The following DLG2 variants were observed in gnomAD, a reference collection of about 807,000 sequenced individuals.
DLG2 encodes discs large MAGUK scaffold protein 2.
Under a neutral mutation model 132.5 loss-of-function variants are expected in DLG2, and 45 were observed. That is an observed-to-expected ratio of 0.34 (90% CI 0.27 to 0.44). The LOEUF is 0.44. Among genes scored for constraint, DLG2 ranks in the 20% least tolerant of loss-of-function variants. The probability of loss-of-function intolerance (pLI) is 1.00; values close to 1 mark genes in which losing one functional copy is unlikely to be tolerated. For missense variants in DLG2, 1,045 were observed against 1,196.9 expected (o/e 0.87, Z 1.87); for synonymous variants, 424 against 419.6 (o/e 1.01, Z -0.13).
intron 6 of DLG2, among the ~76,000 whole-genome samples, chr11:84,642,529 G>A (rs527534405): frequency 1.8e-4 from 28 of 152,198 alleles, no homozygotes; most frequent in African/African-American, 6.5e-4. Flanking sequence ...ACCATATGAA[G>A]TTCTGGGTAT....
chr11:84,269,034 G>C (rs1342805613), intron 7 of DLG2, among the ~76,000 whole-genome samples: 2 of 100,800 alleles, frequency 2.0e-5, no homozygotes, highest in African/African-American at 6.8e-5. Flanking sequence ...TAGTGACTGA[G>C]AAAGTATCTA....
chr11:83,767,046 T>G (rs1013780667), intron 18 of DLG2, among the ~76,000 whole-genome samples: 2 of 152,134 alleles, frequency 1.3e-5, no homozygotes, highest in Non-Finnish European at 2.9e-5. Flanking sequence ...AAAAGGCCCT[T>G]GTGATTAGAT....
chr11:84,288,273 A>G (rs2097937828), intron 7 of DLG2, among the ~76,000 whole-genome samples: 1 of 152,032 alleles, frequency 6.6e-6, no homozygotes, highest in Non-Finnish European at 1.5e-5. Context: ...TTACACTTAA[A>G]TATTTCTTAG....
At chr11:83,850,168 A>T (rs55746528) in intron 16 of DLG2, among the ~76,000 whole-genome samples, 21 of 145,568 alleles carry the variant, frequency 1.4e-4, no homozygotes, top group African/African-American at 4.1e-4. Context: ...GTGTTTTTTT[A>T]CTTGAGACGG....
chr11:84,226,357 T>A (rs2096994253), intron 8 of DLG2, among the ~76,000 whole-genome samples: 1 of 152,212 alleles, frequency 6.6e-6, no homozygotes, highest in African/African-American at 2.4e-5. Flanking sequence ...GTCTAACCAC[T>A]CAGCTACCTT....
chr11:84,296,394 AGTT>A (rs1259529609), intron 7 of DLG2, among the ~76,000 whole-genome samples: 1 of 152,068 alleles, frequency 6.6e-6, no homozygotes, highest in African/African-American at 2.4e-5. Context: ...CGTTTGGAGG[AGTT>A]GTTAATGAAC....
intron 7 of DLG2, among the ~76,000 whole-genome samples, chr11:84,257,679 A>ATTTTTTTTT (rs1172548999): frequency 1.9e-5 from 2 of 105,914 alleles, no homozygotes; most frequent in African/African-American, 3.7e-5. Flanking sequence ...TTATCTCTGG[A>ATTTTTTTTT]TTTTTTTTTT....
chr11:85,493,466 G>C (rs1025041774), intron 3 of DLG2, among the ~76,000 whole-genome samples: 5 of 152,106 alleles, frequency 3.3e-5, no homozygotes, highest in Non-Finnish European at 7.3e-5. Context: ...TAGTATGCTT[G>C]TTTGCTAGAA....
intron 8 of DLG2, among the ~76,000 whole-genome samples, chr11:84,225,665 A>G (rs527699075): frequency 1.3e-5 from 2 of 152,180 alleles, no homozygotes; most frequent in South Asian, 2.1e-4. Flanking sequence ...TCCCCAATGT[A>G]TGTTCTTTAG....
chr11:83,498,687 C>CATTAGAAA (rs2094285388), intron 21 of DLG2, among the ~76,000 whole-genome samples: 2 of 126,290 alleles, frequency 1.6e-5, no homozygotes, highest in Non-Finnish European at 3.5e-5. Context: ...AAAAAAAAAA[C>CATTAGAAA]AATAATAAAT....
chr11:84,801,657 A>C (rs1210173898), intron 6 of DLG2, among the ~76,000 whole-genome samples: 2 of 152,238 alleles, frequency 1.3e-5, no homozygotes, highest in African/African-American at 2.4e-5. Context: ...AGATGAAAGC[A>C]AATCATGGGA....
At chr11:85,458,484 G>A (rs1170718716) in intron 3 of DLG2, among the ~76,000 whole-genome samples, 1 of 152,136 alleles carries the variant, frequency 6.6e-6, no homozygotes, top group Non-Finnish European at 1.5e-5. Flanking sequence ...GAACTAGTGA[G>A]GTCATTTGGA....
chr11:84,945,001 G>T (rs1001260379), intron 6 of DLG2, among the ~76,000 whole-genome samples: 2 of 152,268 alleles, frequency 1.3e-5, no homozygotes, highest in South Asian at 2.1e-4. Context: ...TTGTCTGAAA[G>T]GTCACGTATC....
intron 6 of DLG2, among the ~76,000 whole-genome samples, chr11:84,940,588 A>G (rs2049291604): frequency 6.6e-6 from 1 of 152,070 alleles, no homozygotes; most frequent in Non-Finnish European, 1.5e-5. Flanking sequence ...TTTCTTTCCT[A>G]TTGAGTTATT....
At chr11:85,074,246 A>AT (rs970137381) in intron 6 of DLG2, among the ~76,000 whole-genome samples, 1 of 151,804 alleles carries the variant, frequency 6.6e-6, no homozygotes, top group Non-Finnish European at 1.5e-5. Context: ...ACCTAAAATA[A>AT]TTTTTTTAAG....
chr11:85,496,695 C>G (rs1277079462), intron 3 of DLG2, among the ~76,000 whole-genome samples: 1 of 151,924 alleles, frequency 6.6e-6, no homozygotes, highest in East Asian at 1.9e-4. Flanking sequence ...CATACACGCT[C>G]GTGCCCCTCT....
intron 4 of DLG2, among the ~76,000 whole-genome samples, chr11:85,205,180 A>AT (rs1595368675): frequency 1.3e-5 from 2 of 148,286 alleles, no homozygotes; most frequent in Non-Finnish European, 3.0e-5. Context: ...ATATATATAT[A>AT]ACAATGGAAT....
chr11:84,328,078 A>G (rs542976007), intron 7 of DLG2, among the ~76,000 whole-genome samples: 1 of 152,314 alleles, frequency 6.6e-6, no homozygotes, highest in South Asian at 2.1e-4. Context: ...CCTGGTTGCC[A>G]AAAGCAGAAA....
rs1401374329 is a variant in DLG2, at chr11:83,758,129, A to G, written c.1825+28561T>C. On this transcript the variant is annotated intron_variant, in intron 18 of 27. Transcript: ENST00000376104. Reference sequence around the variant, plus strand: ...TGGGAGAAAGACTCTGAAGGTTGTAATAAAAAATTCTGTAACCTAACAAGT... The same window carrying G: ...TGGGAGAAAGACTCTGAAGGTTGTAGTAAAAAATTCTGTAACCTAACAAGT... 2.0e-5 allele frequency among the ~76,000 whole-genome samples: 3 copies of G among 152,364 alleles called. No homozygotes were observed. In the East Asian group the frequency reaches 5.8e-4, roughly 29 times the overall value.
Sources: allele counts gnomAD v4.1 joint callset (sites outside exome capture counted in the v4.1 genomes callset), GRCh38; gene constraint gnomAD v4.1.1; transcripts MANE v1.5; gene names NCBI Gene and HGNC (gene_info 2026-07-23, HGNC 2026-07-21).